Variants in TNFAIP8 observed in about 807,000 individuals in gnomAD.
TNFAIP8 encodes the protein TNF alpha induced protein 8, also known as tumor necrosis factor alpha-induced protein 8.
A neutral mutation model predicts 13.3 loss-of-function variants in TNFAIP8; 7 were observed. The ratio of observed to expected loss-of-function variants is 0.52; its 90% CI spans 0.30 to 0.99. TNFAIP8 has a LOEUF of 0.99. TNFAIP8 is among the 50% of genes least tolerant of loss of function. The pLI is 0.07. For missense variants in TNFAIP8, 258 were observed against 236.9 expected, an observed-to-expected ratio of 1.09 and a Z score of -0.58; for synonymous variants, 94 against 87.6, an observed-to-expected ratio of 1.07 and a Z score of -0.41.
chr5:119,277,203 G>T (rs1273986837), intron 1 of TNFAIP8, among the ~76,000 whole-genome samples: 1 of 152,104 alleles, frequency 6.6e-6, no homozygotes, highest in Non-Finnish European at 1.5e-5. Context: ...AGATACGGGG[G>T]ACTACTGAGG....
intron 1 of TNFAIP8, among the ~76,000 whole-genome samples, chr5:119,282,288 T>G (rs1748656292): frequency 7.1e-6 from 1 of 141,626 alleles, no homozygotes; most frequent in Non-Finnish European, 1.6e-5. Flanking sequence ...AGAGTTCAGT[T>G]AACACTAAAT....
chr5:119,397,768 C>A lies in TNFAIP8; in HGVS notation c.*4387C>A, dbSNP rs562965373. On this transcript the variant is annotated 3_prime_UTR_variant, in exon 2 of 2. Coordinates refer to ENST00000504771, the MANE Select transcript of TNFAIP8 (RefSeq NM_014350.4). ...TAATCCCGTATAGTCACCATCACCA[C>A]GAAGTATTGAAAATCTGTTTTCTCT... 6.6e-6 allele frequency: 1 copy of A among 152,176 alleles called. No individual in the cohort carries two copies. Among genetic ancestry groups the A allele is most frequent in the African/African-American group, 2.4e-5 (1 of 41,444 alleles). 9.4% of individuals were successfully genotyped at this position (152,176 alleles called of 1,614,324 possible). A position where few individuals can be genotyped will look rare whatever the true frequency, so the allele number is the denominator to read the frequency against.
intron 1 of TNFAIP8, among the ~76,000 whole-genome samples, chr5:119,376,358 T>TGATC (rs146460709): frequency 0.11 from 16,125 of 152,030 alleles, 1,157 homozygotes; most frequent in African/African-American, 0.22. Context: ...TCACCTCAGG[T>TGATC]GATCCGCCCA....
At chr5:119,357,270 G>A (rs1751465831) in intron 1 of TNFAIP8, among the ~76,000 whole-genome samples, 2 of 152,226 alleles carry the variant, frequency 1.3e-5, no homozygotes, top group African/African-American at 4.8e-5. Flanking sequence ...AAAAATGACA[G>A]CCAGGAGCAT....
Position 119,394,057 on chromosome 5 carries a change from C to G in TNFAIP8, c.*676C>G, listed in dbSNP as rs1313250693. 6.6e-6 allele frequency: 1 copy of G among 152,146 alleles called. No individual in the cohort carries two copies. The highest frequency in any genetic ancestry group is 1.5e-5 in the Non-Finnish European group (1 of 68,026). The allele number at this position is 152,146 out of a possible 1,614,324, so 9.4% of individuals were successfully genotyped here. On this transcript the variant is annotated 3_prime_UTR_variant, in exon 2 of 2. Coordinates refer to ENST00000504771, the MANE Select transcript of TNFAIP8 (RefSeq NM_014350.4). ...AAGTACCAATGATACTTAAATTTCT[C>G]AGAAATGTAATGGTGTGTCATTGCC...
At position 119,313,274 on chromosome 5, in the gene TNFAIP8, G is replaced by A. The variant is rs1328995451; in HGVS notation, c.1+44367G>A. Among the ~76,000 whole-genome samples, 5 of 152,168 alleles carry A rather than the reference G, an allele frequency of 3.3e-5. No individual in the cohort carries two copies. The East Asian group carries it at 9.6e-4, about 29-fold the overall frequency. ...GAAAATTCTTCTGCTTATTTTAAAA[G>A]CCCACTTTTTGAAATCTGCCACAAG... On this transcript the variant is annotated intron_variant, in intron 1 of 1. Transcript: ENST00000274456.
chr5:119,368,000 T>C (rs1751926844), intron 1 of TNFAIP8, among the ~76,000 whole-genome samples: 1 of 152,228 alleles, frequency 6.6e-6, no homozygotes, highest in South Asian at 2.1e-4. Context: ...GTTATCTCTT[T>C]CATGTTTAGT....
intron 1 of TNFAIP8, among the ~76,000 whole-genome samples, chr5:119,284,803 T>C (rs1748728315): frequency 6.6e-6 from 1 of 152,170 alleles, no homozygotes; most frequent in African/African-American, 2.4e-5. Flanking sequence ...GCCTTGCTGA[T>C]AACAAGTCAG....
intron 1 of TNFAIP8, among the ~76,000 whole-genome samples, chr5:119,290,928 T>C (rs1278558854): frequency 6.6e-6 from 1 of 152,148 alleles, no homozygotes; most frequent in Admixed American, 6.5e-5. Flanking sequence ...TCAGGGCCTG[T>C]AGGGTCTTGC....
intron 1 of TNFAIP8, among the ~76,000 whole-genome samples, chr5:119,340,286 CA>C (rs1308344679): frequency 6.6e-6 from 1 of 152,148 alleles, no homozygotes; most frequent in African/African-American, 2.4e-5. Flanking sequence ...CCTTTATTAC[CA>C]GGGGGGCTTT....
At chr5:119,391,589 G>C (rs1022881775) in intron 1 of TNFAIP8, 1 of 525,638 alleles carries the variant, frequency 1.9e-6, no homozygotes, top group African/African-American at 1.9e-5. Flanking sequence ...GTGAAACCCC[G>C]TCTCTACTGA....
chr5:119,336,540 A>G (rs1427756632), intron 1 of TNFAIP8, among the ~76,000 whole-genome samples: 1 of 152,146 alleles, frequency 6.6e-6, no homozygotes. Context: ...TTCTTATTTC[A>G]GAGAAATACT....
chr5:119,323,025 A>G (rs1310369708), intron 1 of TNFAIP8, among the ~76,000 whole-genome samples: 1 of 151,962 alleles, frequency 6.6e-6, no homozygotes, highest in Non-Finnish European at 1.5e-5. Context: ...CCTTACCCCT[A>G]TGCCCAATCA....
intron 1 of TNFAIP8, among the ~76,000 whole-genome samples, chr5:119,371,295 C>G (rs886795010): frequency 2.0e-5 from 3 of 151,898 alleles, no homozygotes; most frequent in African/African-American, 7.3e-5. Flanking sequence ...TGTTCGTTGC[C>G]TATATAAAGA....
chr5:119,305,077 C>G (rs910828323), intron 1 of TNFAIP8, among the ~76,000 whole-genome samples: 1 of 152,086 alleles, frequency 6.6e-6, no homozygotes, highest in Non-Finnish European at 1.5e-5. Context: ...AGAGGAAGAG[C>G]TATTGGAAGT....
At chr5:119,374,031 T>G (rs78460121) in intron 1 of TNFAIP8, among the ~76,000 whole-genome samples, 1 of 152,308 alleles carries the variant, frequency 6.6e-6, no homozygotes, top group East Asian at 1.9e-4. Flanking sequence ...AATGATATAT[T>G]TAGGGGAGTA....
At position 119,398,646 on chromosome 5, in the gene TNFAIP8, C is replaced by A. The variant is rs1753126850; in HGVS notation, c.*5265C>A. The A allele has an allele frequency of 1.3e-5, 2 of 151,652 alleles. No individual in the cohort carries two copies. Among genetic ancestry groups the A allele is most frequent in the Non-Finnish European group, 2.9e-5 (2 of 67,968 alleles). 9.4% of individuals were successfully genotyped at this position (151,652 alleles called of 1,614,324 possible). On this transcript the variant is annotated 3_prime_UTR_variant, in exon 2 of 2. Coordinates refer to ENST00000504771, the MANE Select transcript of TNFAIP8 (RefSeq NM_014350.4). ...AGTGAGCCAAGATTACACCACTGCA[C>A]TCCAGCCTGGGCAACAAGAGTGAGA...
At chr5:119,273,305 C>T (rs1444720402) in intron 1 of TNFAIP8, among the ~76,000 whole-genome samples, 2 of 152,222 alleles carry the variant, frequency 1.3e-5, no homozygotes, top group South Asian at 2.1e-4. Context: ...AAATAGGTCT[C>T]ATTCCAGTAA....
chr5:119,298,594 C>G (rs1749256254), intron 1 of TNFAIP8, among the ~76,000 whole-genome samples: 1 of 151,864 alleles, frequency 6.6e-6, no homozygotes, highest in East Asian at 1.9e-4. Context: ...CTTGGAGTTG[C>G]TCTTCTCGAG....
Sources: allele counts gnomAD v4.1 joint callset (sites outside exome capture counted in the v4.1 genomes callset), GRCh38; gene constraint gnomAD v4.1.1; transcripts MANE v1.5; gene names NCBI Gene and HGNC (gene_info 2026-07-23, HGNC 2026-07-21).